Variants in FGF12 observed in about 807,000 individuals in gnomAD.
The protein encoded by FGF12 is fibroblast growth factor 12.
A neutral mutation model predicts 23.6 loss-of-function variants in FGF12; 14 were observed. The ratio of observed to expected loss-of-function variants is 0.59; its 90% confidence interval spans 0.39 to 0.93. FGF12 has a LOEUF of 0.93. Among genes scored for constraint, FGF12 ranks in the 40% least tolerant of loss-of-function variants. The pLI is 0.00. For missense variants in FGF12, 175 were observed against 217.8 expected (o/e 0.80, Z 1.24); for synonymous variants, 62 against 77.3 (o/e 0.80, Z 1.04).
At chr3:192,515,799 A>C (rs376432556) in intron 2 of FGF12, among the ~76,000 whole-genome samples, 1 of 149,166 alleles carries the variant, frequency 6.7e-6, no homozygotes, top group Non-Finnish European at 1.5e-5. Context: ...GAGTTTAAAG[A>C]TCTCGATTTT....
intron 4 of FGF12, among the ~76,000 whole-genome samples, chr3:192,249,434 A>G (rs1020056735): frequency 1.3e-5 from 2 of 152,194 alleles, no homozygotes. Context: ...AATATTTAAA[A>G]TATAGTAATA....
intron 2 of FGF12, among the ~76,000 whole-genome samples, chr3:192,599,130 T>C (rs982667988): frequency 5.9e-5 from 9 of 151,878 alleles, no homozygotes; most frequent in Admixed American, 2.6e-4. Context: ...GACTAGGAGA[T>C]GGATAGCATT....
intron 4 of FGF12, among the ~76,000 whole-genome samples, chr3:192,195,098 C>T (rs1050779895): frequency 2.6e-5 from 4 of 152,180 alleles, no homozygotes; most frequent in South Asian, 2.1e-4. Flanking sequence ...ATACGTAGCC[C>T]GGAGGGCCCA....
At chr3:192,234,253 A>G (rs1219418428) in intron 4 of FGF12, among the ~76,000 whole-genome samples, 2 of 151,998 alleles carry the variant, frequency 1.3e-5, no homozygotes, top group Non-Finnish European at 2.9e-5. Context: ...TGCAATTCTC[A>G]TAGAGTACTT....
intron 2 of FGF12, among the ~76,000 whole-genome samples, chr3:192,431,449 C>T (rs1721858376): frequency 6.6e-6 from 1 of 152,166 alleles, no homozygotes. Context: ...AAGCATATAG[C>T]ACTTTATTCT....
intron 2 of FGF12, among the ~76,000 whole-genome samples, chr3:192,551,449 C>T (rs574224359): frequency 2.6e-5 from 4 of 152,326 alleles, no homozygotes; most frequent in Non-Finnish European, 4.4e-5. Context: ...CTGTGACACT[C>T]TTAAGAGAAC....
chr3:192,441,638 T>C (rs528364111), intron 2 of FGF12, among the ~76,000 whole-genome samples: 1 of 152,244 alleles, frequency 6.6e-6, no homozygotes, highest in Admixed American at 6.5e-5. Context: ...ATGAGAAACG[T>C]CAGCACTTAG....
chr3:192,552,657 G>A (rs1048016665), intron 2 of FGF12, among the ~76,000 whole-genome samples: 4 of 152,154 alleles, frequency 2.6e-5, no homozygotes, highest in East Asian at 1.9e-4. Context: ...TTGGGAGGCC[G>A]AGGCTGGCAG....
At chr3:192,187,901 A>C (rs1716564556) in intron 4 of FGF12, among the ~76,000 whole-genome samples, 1 of 152,202 alleles carries the variant, frequency 6.6e-6, no homozygotes, top group Admixed American at 6.6e-5. Flanking sequence ...TGGGGGGTCA[A>C]CTGTGGTTAC....
At chr3:192,455,633 C>T (rs576961477) in intron 2 of FGF12, among the ~76,000 whole-genome samples, 15 of 152,186 alleles carry the variant, frequency 9.9e-5, no homozygotes, top group East Asian at 1.9e-4. Context: ...TATAAACATA[C>T]GTGTTGTTAT....
intron 2 of FGF12, among the ~76,000 whole-genome samples, chr3:192,458,633 C>A (rs138410888): frequency 1.5e-4 from 23 of 152,226 alleles, no homozygotes; most frequent in African/African-American, 5.5e-4. Flanking sequence ...AACTAGCTTG[C>A]TTTTGATTTT....
At chr3:192,308,767 G>C (rs796104381) in intron 4 of FGF12, among the ~76,000 whole-genome samples, 7 of 152,092 alleles carry the variant, frequency 4.6e-5, no homozygotes, top group African/African-American at 1.7e-4. Context: ...CTGACCTACA[G>C]CAATCCATTT....
At chr3:192,469,877 T>C (rs965140070) in intron 2 of FGF12, among the ~76,000 whole-genome samples, 2 of 152,224 alleles carry the variant, frequency 1.3e-5, no homozygotes, top group Admixed American at 6.5e-5. Flanking sequence ...ATACCACTTA[T>C]GTAAATTTAA....
chr3:192,652,618 C>T (rs1314304263), intron 2 of FGF12, among the ~76,000 whole-genome samples: 3 of 152,136 alleles, frequency 2.0e-5, no homozygotes, highest in African/African-American at 7.2e-5. Flanking sequence ...TATCTGGTAA[C>T]TTGTGAGAAA....
intron 2 of FGF12, among the ~76,000 whole-genome samples, chr3:192,375,774 T>C (rs1719463289): frequency 6.6e-6 from 1 of 152,132 alleles, no homozygotes; most frequent in African/African-American, 2.4e-5. Context: ...TATTTCTCTC[T>C]CTTTCTTATT....
At chr3:192,152,126 T>C (rs1475642089) in intron 5 of FGF12, among the ~76,000 whole-genome samples, 1 of 81,286 alleles carries the variant, frequency 1.2e-5, no homozygotes, top group African/African-American at 4.5e-5. Context: ...TAGTATTCTC[T>C]GATGGTAGTT....
intron 2 of FGF12, among the ~76,000 whole-genome samples, chr3:192,362,345 G>A (rs146935532): frequency 7.8e-4 from 119 of 152,108 alleles, no homozygotes; most frequent in African/African-American, 2.7e-3. Flanking sequence ...CCATTAACTC[G>A]TCATTTACAT....
At chr3:192,339,840 T>C (rs1717608747) in intron 3 of FGF12, among the ~76,000 whole-genome samples, 2 of 152,224 alleles carry the variant, frequency 1.3e-5, no homozygotes, top group African/African-American at 2.4e-5. Context: ...TTGAGGGTAG[T>C]TGCTGTAATG....
chr3:192,160,971 TA>T (rs1714836576), intron 5 of FGF12, among the ~76,000 whole-genome samples: 1 of 152,048 alleles, frequency 6.6e-6, no homozygotes, highest in African/African-American at 2.4e-5. Flanking sequence ...CTCCTTTAGT[TA>T]AGTGATATTT....
Sources: allele counts gnomAD v4.1 joint callset (sites outside exome capture counted in the v4.1 genomes callset), GRCh38; gene constraint gnomAD v4.1.1; transcripts MANE v1.5; gene names NCBI Gene and HGNC (gene_info 2026-07-23, HGNC 2026-07-21).